Variants in DDR2 observed in about 807,000 individuals in gnomAD.
DDR2 encodes discoidin domain receptor tyrosine kinase 2.
Under a neutral mutation model 94.9 loss-of-function variants are expected in DDR2, and 27 were observed. That is an observed-to-expected ratio of 0.28 (90% CI 0.21 to 0.39). The LOEUF (loss-of-function observed/expected upper bound fraction) is 0.39, where lower values mean the gene tolerates loss of function less well. DDR2 is among the 10% of genes least tolerant of loss of function. DDR2 has a pLI of 1.00. For missense variants in DDR2, 783 were observed against 1,076.0 expected, an observed-to-expected ratio of 0.73 and a Z score of 3.81; for synonymous variants, 382 against 377.2, an observed-to-expected ratio of 1.01 and a Z score of -0.15.
Position 162,773,649 on chromosome 1 carries a change from G to C in DDR2, c.1856+53G>C. On this transcript the variant is annotated intron_variant, in intron 14 of 17. Coordinates refer to ENST00000367921, the MANE Select transcript of DDR2 (RefSeq NM_006182.4). ...TTTAGGTATTTCATCTTTAGGACCAGGAATACTCCTGGATACTTCTGAGCA... is the reference window on the plus strand; with the variant it reads ...TTTAGGTATTTCATCTTTAGGACCACGAATACTCCTGGATACTTCTGAGCA... The C allele has an allele frequency of 2.5e-6, 4 of 1,609,476 alleles. No homozygotes were observed. The East Asian group carries it at 6.7e-5, about 27-fold the overall frequency.
Position 162,755,246 on chromosome 1 carries a change from A to G in DDR2, c.508A>G (p.Thr170Ala). 6.2e-7 allele frequency: 1 copy of G among 1,613,940 alleles called. No homozygotes were observed. The highest frequency in any genetic ancestry group is 1.1e-5 in the South Asian group (1 of 91,076). ...CAGATTTGTCCGGTTCATTCCAGTC[A>G]CCGACCACTCCATGAATGTGTGTAT... is the stretch of plus-strand genomic sequence containing the variant. ...VARFVRFIPV[T>A]DHSMNVCMRV... Residue 170 changes from threonine (T) to alanine (A), a missense_variant, in exon 6 of 18, where the codon ACC (threonine) becomes GCC (alanine). Coordinates refer to ENST00000367921, the MANE Select transcript of DDR2 (RefSeq NM_006182.4).
intron 4 of DDR2, among the ~76,000 whole-genome samples, chr1:162,753,964 G>C (rs1008700327): frequency 6.6e-6 from 1 of 152,182 alleles, no homozygotes; most frequent in Non-Finnish European, 1.5e-5. Context: ...AAATGAATGG[G>C]TAATATCTGT....
At chr1:162,632,030 A>G (rs940786492), upstream of DDR2, 4 of 151,354 alleles carry the variant, frequency 2.6e-5, no homozygotes, top group African/African-American at 9.7e-5. Context: ...GTGTGCCCCA[A>G]CTGTCCTGGA....
chr1:162,707,775 A>G (rs1445274748), intron 2 of DDR2, among the ~76,000 whole-genome samples: 1 of 152,172 alleles, frequency 6.6e-6, no homozygotes, highest in African/African-American at 2.4e-5. Context: ...ACACCATTCT[A>G]TTCATACCGC....
rs538848429 is a variant in DDR2 at position 162,652,550 on chromosome 1, G to A, written c.-191-2661G>A. On this transcript the variant is annotated intron_variant, in intron 1 of 17. Coordinates refer to ENST00000367921, the MANE Select transcript of DDR2 (RefSeq NM_006182.4). ...GTAGACCACTGGGGTTCCCTGAAAA[G>A]CCAGCTAAGTCCAGCACATACGATC... Among the ~76,000 whole-genome samples the A allele has an allele frequency of 2.6e-5, 4 of 152,282 alleles. No individual in the cohort carries two copies. The East Asian group carries it at 5.8e-4, about 22-fold the overall frequency.
chr1:162,755,959 G>C (rs1169262652), intron 7 of DDR2, among the ~76,000 whole-genome samples, 190 bp downstream of exon 7: 4 of 152,124 alleles, frequency 2.6e-5, no homozygotes, highest in African/African-American at 9.7e-5. Flanking sequence ...AGCCCGGTTT[G>C]GGAAGACAAG....
intron 2 of DDR2, among the ~76,000 whole-genome samples, chr1:162,684,663 A>G (rs1033091797): frequency 6.6e-5 from 10 of 152,164 alleles, no homozygotes; most frequent in African/African-American, 2.4e-4. Context: ...GTCTCCCAGT[A>G]GAATACTTGT....
intron 2 of DDR2, among the ~76,000 whole-genome samples, chr1:162,694,578 T>A (rs979531292): frequency 6.6e-6 from 1 of 152,198 alleles, no homozygotes; most frequent in Non-Finnish European, 1.5e-5. Context: ...TATCATTTTG[T>A]CATTGATTTT....
rs1029074281 is a variant in DDR2, at chr1:162,783,741, G to A, written c.*3495G>A. 3 of 152,178 alleles carry A rather than the reference G, an allele frequency of 2.0e-5. No homozygotes were observed. Among genetic ancestry groups the A allele is most frequent in the African/African-American group, 7.2e-5 (3 of 41,436 alleles). 9.4% of individuals were successfully genotyped at this position (152,178 alleles called of 1,614,324 possible). ...AATTTTTCAGAATTTTAAGAAAGGG[G>A]AAGTTCCTCTTGGAAAAGATATAGC... On this transcript the variant is annotated 3_prime_UTR_variant, in exon 18 of 18. Coordinates refer to ENST00000367921, the MANE Select transcript of DDR2 (RefSeq NM_006182.4).
At chr1:162,731,132 G>A (rs978298633) in intron 3 of DDR2, among the ~76,000 whole-genome samples, 1 of 152,140 alleles carries the variant, frequency 6.6e-6, no homozygotes, top group African/African-American at 2.4e-5. Flanking sequence ...TTTAGAGGGA[G>A]CACTAATTAC....
At chr1:162,688,408 C>T (rs373272582) in intron 2 of DDR2, among the ~76,000 whole-genome samples, 14 of 152,116 alleles carry the variant, frequency 9.2e-5, no homozygotes, top group African/African-American at 3.4e-4. Flanking sequence ...TACTTGTTGT[C>T]GAAATAATGG....
chr1:162,779,819 T>C (rs367872925), intron 17 of DDR2, among the ~76,000 whole-genome samples: 1 of 152,190 alleles, frequency 6.6e-6, no homozygotes, highest in African/African-American at 2.4e-5. Context: ...AGATTTGGTC[T>C]CTTTTTGGTT....
intron 2 of DDR2, among the ~76,000 whole-genome samples, chr1:162,659,829 T>G (rs1658200523): frequency 6.6e-6 from 1 of 152,230 alleles, no homozygotes; most frequent in Non-Finnish European, 1.5e-5. Context: ...TTGTTTTTGC[T>G]TTGATTGTTA....
At chr1:162,683,730 A>G (rs926182654) in intron 2 of DDR2, among the ~76,000 whole-genome samples, 1 of 152,182 alleles carries the variant, frequency 6.6e-6, no homozygotes, top group Admixed American at 6.6e-5. Context: ...AAAGATCTAA[A>G]TAAACAGAGA....
intron 2 of DDR2, among the ~76,000 whole-genome samples, chr1:162,702,007 T>A (rs1660454637): frequency 6.6e-6 from 1 of 152,196 alleles, no homozygotes; most frequent in African/African-American, 2.4e-5. Flanking sequence ...TGGAGCTGTA[T>A]TAAGCTCCTT....
chr1:162,708,313 T>C lies in DDR2; in HGVS notation c.-27-10724T>C, dbSNP rs183934168. 8.7e-4 allele frequency among the ~76,000 whole-genome samples: 133 copies of C among 152,288 alleles called. 1 individual carries two copies. The highest frequency in any genetic ancestry group is 3.1e-3 in the African/African-American group (128 of 41,572). Reference sequence around the variant, plus strand: ...TGGGTTCAGGAGGGGTTCCTATAGCTAGATGAGATAGAATTGATTGATGTC... The same window carrying C: ...TGGGTTCAGGAGGGGTTCCTATAGCCAGATGAGATAGAATTGATTGATGTC... On this transcript the variant is annotated intron_variant, in intron 2 of 17. Coordinates refer to ENST00000367921, the MANE Select transcript of DDR2 (RefSeq NM_006182.4).
rs1427310295 is a variant in DDR2, at chr1:162,782,073, T to C, written c.*1827T>C. On this transcript the variant is annotated 3_prime_UTR_variant, in exon 18 of 18. Coordinates refer to ENST00000367921, the MANE Select transcript of DDR2 (RefSeq NM_006182.4). ...TTTCCCCATAGTTGTCCTATGCCTTTGGGCTTTAGTCTATCCCAGGACTAA... is the reference window on the plus strand; with the variant it reads ...TTTCCCCATAGTTGTCCTATGCCTTCGGGCTTTAGTCTATCCCAGGACTAA... 1.3e-5 allele frequency: 2 copies of C among 152,242 alleles called. No individual in the cohort carries two copies. Among genetic ancestry groups the C allele is most frequent in the Admixed American group, 1.3e-4 (2 of 15,282 alleles). The allele number at this position is 152,242 out of a possible 1,614,324, so 9.4% of individuals were successfully genotyped here.
At chr1:162,741,869 G>A (rs1313614413) in intron 3 of DDR2, among the ~76,000 whole-genome samples, 2 of 152,188 alleles carry the variant, frequency 1.3e-5, no homozygotes, top group African/African-American at 4.8e-5. Flanking sequence ...AAAACACTTA[G>A]CACACTCAGC....
chr1:162,731,192 A>T (rs571900521), intron 3 of DDR2, among the ~76,000 whole-genome samples: 1 of 152,316 alleles, frequency 6.6e-6, no homozygotes, highest in Non-Finnish European at 1.5e-5. Flanking sequence ...TAAAAAGTGA[A>T]TTTATACTTT....
Sources: gnomAD v4.1 joint callset for allele counts (sites outside exome capture counted in the v4.1 genomes callset) on GRCh38, gnomAD v4.1.1 for gene constraint, MANE v1.5 for transcripts, NCBI Gene and HGNC (gene_info 2026-07-23, HGNC 2026-07-21) for gene names.